The following COL18A1 variants were observed in gnomAD, a reference collection of about 807,000 sequenced individuals.
COL18A1 encodes the protein collagen alpha-1(XVIII) chain.
A neutral mutation model predicts 168.0 loss-of-function variants in COL18A1; 133 were observed. That is an observed-to-expected ratio of 0.79 (90% CI 0.69 to 0.91). COL18A1 has a LOEUF of 0.91. COL18A1 is among the 40% of genes least tolerant of loss of function. The pLI, the probability that COL18A1 is intolerant of heterozygous loss-of-function variation, is 0.00. For missense variants in COL18A1, 2,126 were observed against 1,925.4 expected, an observed-to-expected ratio of 1.10 and a Z score of -1.95; for synonymous variants, 949 against 809.0, an observed-to-expected ratio of 1.17 and a Z score of -2.94.
intron 2 of COL18A1, chr21:45,455,511 G>C (rs931065734): frequency 1.2e-6 from 2 of 1,611,094 alleles, no homozygotes; most frequent in African/African-American, 1.3e-5. Flanking sequence ...GCCGCCCGCA[G>C]CTCCAGCCGC....
chr21:45,497,534 A>G (rs2146014829), intron 31 of COL18A1, 65 bp from the exon 32 acceptor site: 2 of 1,545,672 alleles, frequency 1.3e-6, no homozygotes, highest in East Asian at 4.9e-5. Flanking sequence ...TTCGGGCAGG[A>G]GGGGCACCAC....
intron 2 of COL18A1, among the ~76,000 whole-genome samples, chr21:45,445,114 C>T (rs1361744913): frequency 2.6e-5 from 4 of 152,216 alleles, no homozygotes; most frequent in Non-Finnish European, 5.9e-5. Context: ...AGAAGCCTTT[C>T]CGCCGCCCTC....
intron 2 of COL18A1, among the ~76,000 whole-genome samples, chr21:45,450,363 C>CGGAGA (rs1029755090): frequency 2.0e-5 from 3 of 152,118 alleles, no homozygotes; most frequent in Non-Finnish European, 4.4e-5. Context: ...GGGAGACCCG[C>CGGAGA]GGAGAGGCAG....
intron 2 of COL18A1, among the ~76,000 whole-genome samples, chr21:45,450,700 G>C (rs2034601779): frequency 6.6e-6 from 1 of 152,196 alleles, no homozygotes; most frequent in South Asian, 2.1e-4. Context: ...AGGGAGTGGG[G>C]AGGCTCAGTT....
In COL18A1 at chr21:45,504,467, C is replaced by T; in HGVS notation, c.2779C>T (p.Pro927Ser). ...AGGACAGAAAGGCGAAAGGGGGGAG[C>T]CCGGGGGCGGCGGTTTCTTCGGCTC... ...DAGQKGERGE[P>S]GGGGFFGSSL... Residue 927 changes from proline (P) to serine (S), a missense_variant, in exon 34 of 42, where the codon CCC (proline) becomes TCC (serine). Coordinates refer to ENST00000651438, the MANE Select transcript of COL18A1 (RefSeq NM_001379500.1). The T allele has an allele frequency of 6.2e-7, 1 of 1,609,720 alleles. No individual in the cohort carries two copies. The highest frequency in any genetic ancestry group is 8.5e-7 in the Non-Finnish European group (1 of 1,178,528).
intron 2 of COL18A1, among the ~76,000 whole-genome samples, chr21:45,416,818 C>G (rs533520539): frequency 3.3e-5 from 5 of 152,270 alleles, no homozygotes; most frequent in African/African-American, 1.2e-4. Context: ...CCAGCGCCTG[C>G]CCCTGACAAC....
At chr21:45,497,002 C>T in intron 30 of COL18A1, 48 bp from the exon 31 acceptor site, 2 of 1,429,842 alleles carry the variant, frequency 1.4e-6, no homozygotes, top group Non-Finnish European at 2.0e-6. Flanking sequence ...TGGTGGCCTC[C>T]ATTTCAGAAC....
At chr21:45,417,818 T>C (rs1268802008) in intron 2 of COL18A1, among the ~76,000 whole-genome samples, 2 of 152,176 alleles carry the variant, frequency 1.3e-5, no homozygotes, top group Non-Finnish European at 2.9e-5. Context: ...GAGGTGCTGC[T>C]CTGTGGAAAA....
chr21:45,479,439 C>CACCACACATTACACAT (rs2035809190), intron 9 of COL18A1, among the ~76,000 whole-genome samples: 1 of 152,170 alleles, frequency 6.6e-6, no homozygotes, highest in Admixed American at 6.5e-5. Flanking sequence ...CATGCACACA[C>CACCACACATTACACAT]ACCACACATT....
intron 2 of COL18A1, among the ~76,000 whole-genome samples, chr21:45,438,016 ACTCACT>A (rs1362969732): frequency 1.0e-4 from 8 of 76,648 alleles, no homozygotes; most frequent in African/African-American, 2.8e-4. Flanking sequence ...GCACACACAC[ACTCACT>A]CACACACAGA....
rs542890932 is a variant in COL18A1 at position 45,495,283 on chromosome 21, C to T, written c.2434-75C>T. 575 of 1,310,718 alleles carry T rather than the reference C, an allele frequency of 4.4e-4. 4 individuals carry two copies. The South Asian group carries it at 6.2e-3, about 14-fold the overall frequency. The allele number at this position is 1,310,718 out of a possible 1,614,324, so 81.2% of individuals were successfully genotyped here. Reference sequence around the variant, plus strand: ...CCGGCCGGGCCTGGCGTGGGGCTAACGGCAGGCACCCTGCGGGAAGGTGTC... The same window carrying T: ...CCGGCCGGGCCTGGCGTGGGGCTAATGGCAGGCACCCTGCGGGAAGGTGTC... On this transcript the variant is annotated intron_variant, in intron 28 of 41. Coordinates refer to ENST00000651438, the MANE Select transcript of COL18A1 (RefSeq NM_001379500.1).
intron 2 of COL18A1, chr21:45,467,197 T>C (rs1602453078): frequency 5.1e-6 from 5 of 971,700 alleles, no homozygotes; most frequent in Non-Finnish European, 6.1e-6. Context: ...GCTGCCCCCC[T>C]CCCGTGGGCA....
Position 45,512,542 on chromosome 21 carries a change from A to AGAAAT in COL18A1, c.*145_*149dup. On this transcript the variant is annotated 3_prime_UTR_variant, in exon 42 of 42. Coordinates refer to ENST00000651438, the MANE Select transcript of COL18A1 (RefSeq NM_001379500.1). ...TAGTTCACGTTTCATGTAATCCTCAAGAAATAAAAGGAAGCCAAAGAGTGT... is the reference window on the plus strand; with the variant it reads ...TAGTTCACGTTTCATGTAATCCTCAAGAAATGAAATAAAAGGAAGCCAAAGAGTGT... 1 of 739,042 alleles carries AGAAAT rather than the reference A, an allele frequency of 1.4e-6. No homozygotes were observed. The highest frequency in any genetic ancestry group is 2.7e-5 in the Admixed American group (1 of 37,542). 45.8% of individuals were successfully genotyped at this position (739,042 alleles called of 1,614,324 possible). A position where few individuals can be genotyped will look rare whatever the true frequency, so the allele number is the denominator to read the frequency against.
chr21:45,472,632 A>G (rs8128040), intron 3 of COL18A1, among the ~76,000 whole-genome samples: 66,601 of 151,918 alleles, frequency 0.44, 16,243 homozygotes, highest in African/African-American at 0.67. Context: ...CCTGGTGGAC[A>G]GTGGACCCTG....
intron 9 of COL18A1, among the ~76,000 whole-genome samples, chr21:45,478,979 C>T (rs531334526): frequency 6.2e-4 from 95 of 152,352 alleles, no homozygotes; most frequent in African/African-American, 2.2e-3. Context: ...CGCCTGGCAC[C>T]CCACAGCCAA....
At position 45,496,687 on chromosome 21, in the gene COL18A1, G is replaced by A. The variant is rs1470430463; in HGVS notation, c.2577+119G>A. The A allele has an allele frequency of 1.0e-4, 76 of 744,914 alleles. 2 individuals are homozygous for A. In the East Asian group the frequency reaches 1.4e-3, roughly 14 times the overall value. 46.1% of individuals were successfully genotyped at this position (744,914 alleles called of 1,614,324 possible). A position where few individuals can be genotyped will look rare whatever the true frequency, so the allele number is the denominator to read the frequency against. On this transcript the variant is annotated intron_variant, in intron 30 of 41. Transcript: ENST00000651438. ...GCGTCTGGGGGTCCTTCTAGGATGT[G>A]CCAGTCTGGTGGGCAGTGGATTAGC...
chr21:45,413,165 A>G (rs2033348406), intron 2 of COL18A1, among the ~76,000 whole-genome samples: 1 of 152,214 alleles, frequency 6.6e-6, no homozygotes. Context: ...CCCTTAGGGC[A>G]GAGCCCCGTA....
At position 45,498,667 on chromosome 21, in the gene COL18A1, G is replaced by A; in HGVS notation, c.2683+1006G>A. 2.9e-6 allele frequency: 2 copies of A among 682,116 alleles called. No individual in the cohort carries two copies. Among genetic ancestry groups the A allele is most frequent in the South Asian group, 3.2e-5 (2 of 63,266 alleles). 42.3% of individuals were successfully genotyped at this position (682,116 alleles called of 1,614,324 possible). On this transcript the variant is annotated intron_variant, in intron 32 of 41. Transcript: ENST00000651438. This position sits in a 1 kb window ranked among gnomAD's most constrained non-coding sequence, Gnocchi z 4.5. ...GCGGGAAGATGGAAGATGTGCCCAT[G>A]CCAGCCTTGGATCTCTCAGCGTCAC... is the stretch of plus-strand genomic sequence containing the variant.
Position 45,482,042 on chromosome 21 carries a change from G to C in COL18A1, c.1674+17G>C, listed in dbSNP as rs373757560. On this transcript the variant is annotated intron_variant, in intron 14 of 41. Transcript: ENST00000651438. ...GGCAGCCTGGTAAGTCTTCCCTCGA[G>C]TCCAGGGTGAGTGGGAACCAGCACC... 181 of 1,608,776 alleles carry C rather than the reference G, an allele frequency of 1.1e-4. No individual in the cohort carries two copies. In the African/African-American group the frequency reaches 2.2e-3, roughly 20 times the overall value.
Sources: gnomAD v4.1 joint callset for allele counts (sites outside exome capture counted in the v4.1 genomes callset) on GRCh38, gnomAD v4.1.1 for gene constraint, Gnocchi (gnomAD v3.1) non-coding constraint, MANE v1.5 for transcripts, NCBI Gene and HGNC (gene_info 2026-07-23, HGNC 2026-07-21) for gene names.